The following CAMTA1 variants were observed in gnomAD, a reference collection of about 807,000 sequenced individuals.
CAMTA1 encodes the protein calmodulin-binding transcription activator 1.
CAMTA1 carries 27 observed loss-of-function variants against 170.9 expected under a neutral mutation model. The ratio of observed to expected loss-of-function variants is 0.16; its 90% CI spans 0.12 to 0.22. CAMTA1 has a LOEUF of 0.22. CAMTA1 is among the 10% of genes least tolerant of loss of function. The pLI is 1.00. For missense variants in CAMTA1, 1,619 were observed against 2,217.2 expected, an observed-to-expected ratio of 0.73 and a Z score of 5.42; for synonymous variants, 833 against 891.5, an observed-to-expected ratio of 0.93 and a Z score of 1.17.
At chr1:6,824,880 G>A (rs1391138732) in intron 2 of CAMTA1, among the ~76,000 whole-genome samples, 1 of 152,106 alleles carries the variant, frequency 6.6e-6, no homozygotes, top group Admixed American at 6.5e-5. Context: ...GCACAAGCCC[G>A]ATCCTGTTTT....
rs1019719888 is a variant in CAMTA1, at chr1:6,934,264, T to C, written c.234+109054T>C. On this transcript the variant is annotated intron_variant, in intron 3 of 22. Transcript: ENST00000303635. This position sits in a 1 kb window ranked among gnomAD's most constrained non-coding sequence, Gnocchi z 4.5. ...CTGAGCCCAGGTGTCCTCTGAGAAA[T>C]GTGGACCGGAAGGATGAGGCATGCT... Among the ~76,000 whole-genome samples, 1 of 152,160 alleles carries C rather than the reference T, an allele frequency of 6.6e-6. No individual in the cohort carries two copies. The highest frequency in any genetic ancestry group is 2.4e-5 in the African/African-American group (1 of 41,452).
chr1:7,487,202 C>T (rs563898055), intron 6 of CAMTA1, among the ~76,000 whole-genome samples: 5 of 152,290 alleles, frequency 3.3e-5, no homozygotes, highest in African/African-American at 9.6e-5. Context: ...GGCCCCTCCA[C>T]GGTTATCGGC....
chr1:7,266,886 G>T (rs1382310224), intron 5 of CAMTA1, among the ~76,000 whole-genome samples: 2 of 152,168 alleles, frequency 1.3e-5, no homozygotes, highest in Non-Finnish European at 2.9e-5. Context: ...CAAGGAGGGG[G>T]CGCGGTGGAG....
intron 3 of CAMTA1, among the ~76,000 whole-genome samples, chr1:6,985,865 G>C (rs1209024223): frequency 6.6e-6 from 1 of 152,172 alleles, no homozygotes; most frequent in African/African-American, 2.4e-5. Context: ...AATGAGGAGA[G>C]AGGCCTTCTG....
At chr1:7,232,508 C>T (rs1663027201) in intron 4 of CAMTA1, among the ~76,000 whole-genome samples, 1 of 152,160 alleles carries the variant, frequency 6.6e-6, no homozygotes, top group Non-Finnish European at 1.5e-5. Flanking sequence ...TTCTTTACAG[C>T]CATATATGTT....
chr1:7,357,878 C>T (rs2085246019), intron 5 of CAMTA1, among the ~76,000 whole-genome samples: 1 of 152,160 alleles, frequency 6.6e-6, no homozygotes, highest in African/African-American at 2.4e-5. Context: ...CTCCCAGGTC[C>T]CTGTCCCCAC....
intron 11 of CAMTA1, among the ~76,000 whole-genome samples, chr1:7,690,209 G>A (rs1002723712): frequency 7.2e-5 from 11 of 152,228 alleles, no homozygotes; most frequent in African/African-American, 2.4e-4. Context: ...CGGCTTCTGT[G>A]TGGTGGGTTG....
chr1:6,968,115 T>C (rs1490333876), intron 3 of CAMTA1, among the ~76,000 whole-genome samples: 5 of 152,220 alleles, frequency 3.3e-5, no homozygotes, highest in African/African-American at 9.6e-5. Context: ...TCCTGCATCA[T>C]GGAACCCACG....
chr1:7,158,075 C>A (rs559147004), intron 4 of CAMTA1, among the ~76,000 whole-genome samples: 4 of 152,136 alleles, frequency 2.6e-5, no homozygotes, highest in Admixed American at 2.0e-4. Context: ...AGGAGAATGG[C>A]GTGAACCCGG....
At chr1:7,323,507 CTTTTTTTT>C (rs56382342) in intron 5 of CAMTA1, among the ~76,000 whole-genome samples, 31 of 108,984 alleles carry the variant, frequency 2.8e-4, no homozygotes, top group Middle Eastern at 7.1e-3. Context: ...CTTTATTCTT[CTTTTTTTT>C]TTTTTTTTTT....
chr1:7,708,099 G>A (rs1215862340), intron 11 of CAMTA1, among the ~76,000 whole-genome samples: 1 of 152,216 alleles, frequency 6.6e-6, no homozygotes. Context: ...GGGAGGCTGA[G>A]GCAGGTGGAT....
At chr1:7,462,286 G>C (rs1229476707) in intron 5 of CAMTA1, among the ~76,000 whole-genome samples, 1 of 151,816 alleles carries the variant, frequency 6.6e-6, no homozygotes, top group Non-Finnish European at 1.5e-5. Flanking sequence ...TATTTTTTGA[G>C]ATGGAGTCTC....
chr1:6,985,977 C>G (rs897176299), intron 3 of CAMTA1, among the ~76,000 whole-genome samples: 18 of 152,222 alleles, frequency 1.2e-4, no homozygotes, highest in African/African-American at 4.3e-4. Context: ...CTCTTTCCGG[C>G]CCTACCTGTT....
intron 7 of CAMTA1, among the ~76,000 whole-genome samples, chr1:7,658,750 T>C (rs1471617303): frequency 2.6e-5 from 4 of 152,136 alleles, no homozygotes; most frequent in African/African-American, 9.7e-5. Flanking sequence ...AATTTCTTGG[T>C]AGAGGTTTAT....
chr1:7,278,602 G>A (rs1490285533), intron 5 of CAMTA1, among the ~76,000 whole-genome samples: 2 of 152,180 alleles, frequency 1.3e-5, no homozygotes, highest in African/African-American at 4.8e-5. Context: ...ACAGATCCGT[G>A]GATCAAATGC....
At chr1:7,465,114 A>G (rs1312970367) in intron 5 of CAMTA1, among the ~76,000 whole-genome samples, 12 of 152,190 alleles carry the variant, frequency 7.9e-5, no homozygotes, top group Admixed American at 7.2e-4. Context: ...TCAGGGTGCC[A>G]CGGGCAAAAC....
intron 6 of CAMTA1, among the ~76,000 whole-genome samples, chr1:7,480,038 TC>T (rs1286699329): frequency 6.6e-6 from 1 of 152,030 alleles, no homozygotes; most frequent in East Asian, 1.9e-4. Flanking sequence ...CATGTGTATG[TC>T]CATGTGTGAG....
chr1:7,517,147 C>T lies in CAMTA1; in HGVS notation c.510+49246C>T, dbSNP rs149761680. Among the ~76,000 whole-genome samples the T allele has an allele frequency of 5.8e-4, 89 of 152,282 alleles. 1 individual carries two copies. The highest frequency in any genetic ancestry group is 2.0e-3 in the African/African-American group (83 of 41,562). On this transcript the variant is annotated intron_variant, in intron 6 of 22. Coordinates refer to ENST00000303635, the MANE Select transcript of CAMTA1 (RefSeq NM_015215.4). The stretch of plus-strand genomic sequence containing the variant: ...TCTGCATAATCCTTTCTCGTGGCCA[C>T]GTTATATTCCATTCTCCAAATACTC...
At chr1:7,645,879 G>A (rs1402589081) in intron 7 of CAMTA1, among the ~76,000 whole-genome samples, 4 of 152,274 alleles carry the variant, frequency 2.6e-5, no homozygotes. Context: ...GCACGAGTGT[G>A]TGGGGATTCA....
Sources: allele counts gnomAD v4.1 joint callset (sites outside exome capture counted in the v4.1 genomes callset), GRCh38; gene constraint gnomAD v4.1.1; non-coding constraint Gnocchi (gnomAD v3.1); transcripts MANE v1.5; gene names NCBI Gene and HGNC (gene_info 2026-07-23, HGNC 2026-07-21).